The following GALNTL6 variants were observed in gnomAD, a reference collection of about 807,000 sequenced individuals.
GALNTL6 encodes polypeptide N-acetylgalactosaminyltransferase like 6.
GALNTL6 carries 46 observed loss-of-function variants against 73.7 expected under a neutral mutation model. The ratio of observed to expected loss-of-function variants is 0.62; its 90% CI spans 0.49 to 0.80. GALNTL6 has a LOEUF of 0.80. Among genes scored for constraint, GALNTL6 ranks in the 30% least tolerant of loss-of-function variants. The probability of loss-of-function intolerance (pLI) is 0.00; values close to 1 mark genes in which losing one functional copy is unlikely to be tolerated. For missense variants in GALNTL6, 604 were observed against 755.0 expected, an observed-to-expected ratio of 0.80 and a Z score of 2.34; for synonymous variants, 259 against 263.7, an observed-to-expected ratio of 0.98 and a Z score of 0.17.
chr4:172,005,891 C>T (rs548298632), intron 2 of GALNTL6, among the ~76,000 whole-genome samples: 1 of 152,246 alleles, frequency 6.6e-6, no homozygotes, highest in South Asian at 2.1e-4. Flanking sequence ...TATTGAAGTG[C>T]CAGCAGCACT....
chr4:172,160,911 TACACACAC>T (rs141929757), intron 2 of GALNTL6, among the ~76,000 whole-genome samples: 3 of 66,200 alleles, frequency 4.5e-5, no homozygotes, highest in African/African-American at 1.8e-4. Flanking sequence ...CACACACACA[TACACACAC>T]ACACACTCAC....
chr4:172,844,853 T>C (rs1489374342), intron 7 of GALNTL6, among the ~76,000 whole-genome samples: 4 of 151,992 alleles, frequency 2.6e-5, no homozygotes, highest in African/African-American at 4.8e-5. Flanking sequence ...AAGTTTTGCA[T>C]AGAAGCAAAA....
intron 10 of GALNTL6, among the ~76,000 whole-genome samples, chr4:172,966,537 G>A (rs1416038337): frequency 3.9e-5 from 6 of 152,150 alleles, no homozygotes; most frequent in Admixed American, 3.9e-4. Context: ...TGGGATTACA[G>A]GCATGCGCCA....
At chr4:171,828,777 T>G (rs2110819612) in intron 2 of GALNTL6, among the ~76,000 whole-genome samples, 1 of 152,178 alleles carries the variant, frequency 6.6e-6, no homozygotes, top group East Asian at 1.9e-4. Flanking sequence ...CACATGCTAC[T>G]GGGCCTAGCT....
intron 2 of GALNTL6, among the ~76,000 whole-genome samples, chr4:171,920,516 T>C (rs1737755418): frequency 6.6e-6 from 1 of 152,104 alleles, no homozygotes; most frequent in African/African-American, 2.4e-5. Flanking sequence ...TCCAGGAATA[T>C]ATCAAAAGAG....
intron 2 of GALNTL6, among the ~76,000 whole-genome samples, chr4:172,109,842 G>T (rs772408147): frequency 6.6e-6 from 1 of 151,994 alleles, no homozygotes; most frequent in African/African-American, 2.4e-5. Flanking sequence ...TGGCTTCACT[G>T]GTTAAAATGT....
chr4:171,926,780 T>G (rs1172659916), intron 2 of GALNTL6, among the ~76,000 whole-genome samples: 1 of 152,194 alleles, frequency 6.6e-6, no homozygotes, highest in Non-Finnish European at 1.5e-5. Flanking sequence ...TCTGTATCTT[T>G]GCTTATATTT....
chr4:172,670,314 C>CT (rs981584149), intron 5 of GALNTL6, among the ~76,000 whole-genome samples: 57 of 151,294 alleles, frequency 3.8e-4, no homozygotes, highest in Admixed American at 1.4e-3. Context: ...ACCAGCATCT[C>CT]TTTTTTTTTA....
At chr4:172,765,834 A>G (rs2110843686) in intron 5 of GALNTL6, among the ~76,000 whole-genome samples, 1 of 150,948 alleles carries the variant, frequency 6.6e-6, no homozygotes, top group East Asian at 1.9e-4. Context: ...TAATTTTCAG[A>G]CAAAACTTTC....
Position 171,926,798 on chromosome 4 carries a change from G to A in GALNTL6, c.138+112080G>A, listed in dbSNP as rs561877187. On this transcript the variant is annotated intron_variant, in intron 2 of 12. Coordinates refer to ENST00000506823, the MANE Select transcript of GALNTL6 (RefSeq NM_001034845.3). ...GTATCTTTGCTTATATTTCTGTTGA[G>A]ATATATGTTTTCCTTCCTGATTAGC... is the stretch of plus-strand genomic sequence containing the variant. Among the ~76,000 whole-genome samples, 3 of 152,106 alleles carry A rather than the reference G, an allele frequency of 2.0e-5. No individual in the cohort carries two copies. In the South Asian group the frequency reaches 6.2e-4, roughly 32 times the overall value.
chr4:172,238,402 G>C (rs1416076551), intron 3 of GALNTL6, among the ~76,000 whole-genome samples: 1 of 151,990 alleles, frequency 6.6e-6, no homozygotes, highest in Non-Finnish European at 1.5e-5. Flanking sequence ...CTCTCAGCTT[G>C]GATGTTGCTG....
intron 5 of GALNTL6, among the ~76,000 whole-genome samples, chr4:172,604,138 G>T (rs1018185712): frequency 1.3e-5 from 2 of 152,104 alleles, no homozygotes; most frequent in African/African-American, 4.8e-5. Flanking sequence ...CATTCTTTAT[G>T]CTGCTATGTG....
At chr4:173,031,436 A>G (rs1386879762) in intron 12 of GALNTL6, among the ~76,000 whole-genome samples, 3 of 152,304 alleles carry the variant, frequency 2.0e-5, no homozygotes, top group Non-Finnish European at 1.5e-5. Context: ...TTAGAATATC[A>G]ATTTCATGAG....
intron 2 of GALNTL6, among the ~76,000 whole-genome samples, chr4:171,894,754 T>C: frequency 6.6e-6 from 1 of 152,192 alleles, no homozygotes; most frequent in Non-Finnish European, 1.5e-5. Flanking sequence ...TCAAGTGCAT[T>C]TTTGAAGGGG....
intron 5 of GALNTL6, among the ~76,000 whole-genome samples, chr4:172,499,902 A>G (rs1734201069): frequency 6.6e-6 from 1 of 152,174 alleles, no homozygotes; most frequent in Non-Finnish European, 1.5e-5. Context: ...GGCATAGGGA[A>G]CTACGTAAGA....
chr4:172,829,542 G>T (rs1445284950), intron 7 of GALNTL6, among the ~76,000 whole-genome samples: 3 of 152,150 alleles, frequency 2.0e-5, no homozygotes, highest in Non-Finnish European at 2.9e-5. Context: ...TCTAGAAGGA[G>T]AAAATACACC....
intron 2 of GALNTL6, among the ~76,000 whole-genome samples, chr4:172,151,215 A>G (rs537066007): frequency 9.8e-5 from 15 of 152,348 alleles, no homozygotes; most frequent in African/African-American, 3.4e-4. Flanking sequence ...TAAGAGAAAT[A>G]AAGTCATGAA....
At chr4:172,920,477 T>C (rs368648996) in intron 8 of GALNTL6, among the ~76,000 whole-genome samples, 17 of 152,298 alleles carry the variant, frequency 1.1e-4, no homozygotes, top group South Asian at 4.1e-4. Context: ...AATTTCTAGA[T>C]AGATGGTAAA....
intron 5 of GALNTL6, among the ~76,000 whole-genome samples, chr4:172,730,060 C>G (rs559549394): frequency 6.6e-6 from 1 of 152,212 alleles, no homozygotes; most frequent in East Asian, 1.9e-4. Context: ...ATAAATGCTA[C>G]TGATTTTTAT....
Sources: allele counts gnomAD v4.1 joint callset (sites outside exome capture counted in the v4.1 genomes callset), GRCh38; gene constraint gnomAD v4.1.1; transcripts MANE v1.5; gene names NCBI Gene and HGNC (gene_info 2026-07-23, HGNC 2026-07-21).